GRIP1: variants seen among roughly 807,000 people sequenced by gnomAD.
The protein encoded by GRIP1 is glutamate receptor interacting protein 1, also known as glutamate receptor-interacting protein 1.
In GRIP1, 45 loss-of-function variants were observed where a neutral mutation model predicts 129.9. The observed-to-expected ratio is 0.35, with a 90% confidence interval of 0.27 to 0.44. The LOEUF (loss-of-function observed/expected upper bound fraction) is 0.44. GRIP1 is among the 20% of genes least tolerant of loss of function. GRIP1 has a pLI of 1.00. For missense variants in GRIP1, 1,196 were observed against 1,396.8 expected (o/e 0.86, Z 2.29); for synonymous variants, 530 against 520.8 (o/e 1.02, Z -0.24).
chr12:66,639,438 C>A (rs112890172), intron 1 of GRIP1, among the ~76,000 whole-genome samples: 1 of 152,112 alleles, frequency 6.6e-6, no homozygotes, highest in Non-Finnish European at 1.5e-5. Flanking sequence ...TAGAACAGCA[C>A]AATGTACAGG....
intron 1 of GRIP1, among the ~76,000 whole-genome samples, chr12:66,954,808 T>C (rs2041813225): frequency 6.6e-6 from 1 of 151,716 alleles, no homozygotes; most frequent in South Asian, 2.1e-4. Flanking sequence ...AATGAATATA[T>C]AAAATATATA....
intron 1 of GRIP1, among the ~76,000 whole-genome samples, chr12:66,772,755 T>G (rs2037858403): frequency 6.6e-6 from 1 of 152,172 alleles, no homozygotes; most frequent in Non-Finnish European, 1.5e-5. Flanking sequence ...TAGGCTTTGG[T>G]GAGCACAAAG....
At chr12:66,494,264 C>T (rs897788997) in intron 7 of GRIP1, among the ~76,000 whole-genome samples, 3 of 152,042 alleles carry the variant, frequency 2.0e-5, no homozygotes, top group Non-Finnish European at 4.4e-5. Context: ...TAATAAGATT[C>T]TACTTTTATT....
At chr12:66,617,075 A>G (rs2065068657) in intron 1 of GRIP1, among the ~76,000 whole-genome samples, 1 of 111,902 alleles carries the variant, frequency 8.9e-6, no homozygotes. Flanking sequence ...CTTGACAAGC[A>G]ACAGACGTTT....
intron 23 of GRIP1, among the ~76,000 whole-genome samples, chr12:66,360,391 AG>A (rs777963514): frequency 3.3e-5 from 5 of 152,028 alleles, no homozygotes; most frequent in Non-Finnish European, 2.9e-5. Flanking sequence ...ATTCTACCCT[AG>A]CCTGTGTAAA....
intron 19 of GRIP1, among the ~76,000 whole-genome samples, chr12:66,381,037 A>T (rs1223398590): frequency 6.6e-6 from 1 of 152,114 alleles, no homozygotes; most frequent in African/African-American, 2.4e-5. Flanking sequence ...CTGTTGTCGA[A>T]GCCTCTAATG....
At chr12:66,357,963 G>A (rs1415122502) in intron 23 of GRIP1, among the ~76,000 whole-genome samples, 5 of 152,088 alleles carry the variant, frequency 3.3e-5, no homozygotes, top group Non-Finnish European at 5.9e-5. Flanking sequence ...GCACAATCTC[G>A]GCTCATTGAA....
At chr12:66,900,264 A>T (rs1264088034) in intron 1 of GRIP1, among the ~76,000 whole-genome samples, 1 of 152,198 alleles carries the variant, frequency 6.6e-6, no homozygotes, top group Admixed American at 6.5e-5. Flanking sequence ...TGAAGTAGAG[A>T]TGTAAGCATT....
At chr12:66,506,483 C>A (rs1157106654) in intron 7 of GRIP1, among the ~76,000 whole-genome samples, 2 of 152,044 alleles carry the variant, frequency 1.3e-5, no homozygotes, top group African/African-American at 4.8e-5. Context: ...TAAAGTCCAG[C>A]AAAATGAATC....
At chr12:66,500,542 A>G (rs770431414) in intron 7 of GRIP1, among the ~76,000 whole-genome samples, 4 of 152,212 alleles carry the variant, frequency 2.6e-5, no homozygotes, top group Non-Finnish European at 4.4e-5. Flanking sequence ...ACAGATGTCA[A>G]TGTTATGAGA....
intron 1 of GRIP1, among the ~76,000 whole-genome samples, chr12:66,986,969 G>T (rs1243999385): frequency 6.6e-6 from 1 of 152,066 alleles, no homozygotes; most frequent in African/African-American, 2.4e-5. Context: ...TAAAGAGACA[G>T]TATATAAGAA....
At position 66,515,880 on chromosome 12, in the gene GRIP1, C is replaced by T. The variant is rs556264727; in HGVS notation, c.579-116G>A. 2.2e-5 allele frequency: 18 copies of T among 820,356 alleles called. No individual in the cohort carries two copies. In the African/African-American group the frequency reaches 2.7e-4, roughly 12 times the overall value. 50.8% of individuals were successfully genotyped at this position (820,356 alleles called of 1,614,324 possible). A position where few individuals can be genotyped will look rare whatever the true frequency, so the allele number is the denominator to read the frequency against. ...CATATTCTGCCATCCATCTCATTTGCATTCTTTTTAAGCATCAAATGTGAC... is the reference window on the plus strand; with the variant it reads ...CATATTCTGCCATCCATCTCATTTGTATTCTTTTTAAGCATCAAATGTGAC... On this transcript the variant is annotated intron_variant, in intron 6 of 24. Coordinates refer to ENST00000359742, the MANE Select transcript of GRIP1 (RefSeq NM_001366722.1).
intron 15 of GRIP1, among the ~76,000 whole-genome samples, chr12:66,415,955 T>C (rs983895050): frequency 3.3e-5 from 5 of 152,034 alleles, no homozygotes; most frequent in Admixed American, 6.6e-5. Flanking sequence ...TCAGGAAGAA[T>C]AGCTAATGGA....
chr12:66,679,121 C>G (rs2034475926), upstream of GRIP1: 2 of 1,454,988 alleles, frequency 1.4e-6, no homozygotes, highest in Non-Finnish European at 1.8e-6. Context: ...CTGCCTGCCA[C>G]AGCCTCCTCC....
At chr12:66,887,067 T>C (rs1200680344) in intron 1 of GRIP1, among the ~76,000 whole-genome samples, 1 of 152,224 alleles carries the variant, frequency 6.6e-6, no homozygotes, top group African/African-American at 2.4e-5. Context: ...ATCGAGAAAG[T>C]AAAGCAATTA....
chr12:66,727,129 A>AT (rs1189360266), intron 1 of GRIP1, among the ~76,000 whole-genome samples: 1 of 152,184 alleles, frequency 6.6e-6, no homozygotes, highest in Non-Finnish European at 1.5e-5. Context: ...TGTGTATCAC[A>AT]TGTGTGTGCA....
chr12:67,040,185 T>C (rs969803480), intron 1 of GRIP1, among the ~76,000 whole-genome samples: 7 of 151,828 alleles, frequency 4.6e-5, no homozygotes, highest in African/African-American at 1.2e-4. Context: ...GAGATAATCA[T>C]AGTGCCTGCA....
intron 1 of GRIP1, among the ~76,000 whole-genome samples, chr12:66,652,846 C>T (rs1183628216): frequency 2.0e-5 from 3 of 152,150 alleles, no homozygotes; most frequent in Non-Finnish European, 4.4e-5. Context: ...CCATTAGGGC[C>T]TGTGTATGCC....
At chr12:66,446,298 A>G (rs2058627497) in intron 11 of GRIP1, among the ~76,000 whole-genome samples, 1 of 151,804 alleles carries the variant, frequency 6.6e-6, no homozygotes, top group South Asian at 2.1e-4. Flanking sequence ...CCACTCCTCC[A>G]TGTCTTTCTC....
Sources: gnomAD v4.1 joint callset for allele counts (sites outside exome capture counted in the v4.1 genomes callset) on GRCh38, gnomAD v4.1.1 for gene constraint, MANE v1.5 for transcripts, NCBI Gene and HGNC (gene_info 2026-07-23, HGNC 2026-07-21) for gene names.